EPS8: variants seen among roughly 807,000 people sequenced by gnomAD.
The protein encoded by EPS8 is EGFR pathway substrate 8, signaling adaptor.
In EPS8, 42 loss-of-function variants were observed where a neutral mutation model predicts 103.8. The ratio of observed to expected loss-of-function variants is 0.40; its 90% confidence interval spans 0.32 to 0.52. EPS8 has a LOEUF of 0.52. EPS8 is among the 20% of genes least tolerant of loss of function. The pLI is 0.40. For missense variants in EPS8, 969 were observed against 1,005.1 expected, an observed-to-expected ratio of 0.96 and a Z score of 0.49; for synonymous variants, 344 against 344.6, an observed-to-expected ratio of 1.00 and a Z score of 0.02.
At chr12:15,746,581 C>G (rs1382422528) in intron 1 of EPS8, among the ~76,000 whole-genome samples, 1 of 152,020 alleles carries the variant, frequency 6.6e-6, no homozygotes, top group Admixed American at 6.6e-5. Flanking sequence ...ATTTTGCTTT[C>G]CTCTCTCCCA....
rs572845389 is a variant in EPS8, at chr12:15,757,969, G to A, written c.-22+31192C>T. 9.9e-5 allele frequency among the ~76,000 whole-genome samples: 15 copies of A among 152,146 alleles called. No individual in the cohort carries two copies. Among genetic ancestry groups the A allele is most frequent in the African/African-American group, 2.7e-4 (11 of 41,440 alleles). ...TCAACTGGAAAACTCAAAAGCCAGC[G>A]GTTGGAATCATCTGAAGGCCTATTC... On this transcript the variant is annotated intron_variant, in intron 1 of 20. Coordinates refer to ENST00000281172, the MANE Select transcript of EPS8 (RefSeq NM_004447.6). The surrounding 1 kb of genome is among the most constrained non-coding windows in gnomAD (Gnocchi z 4.1).
At chr12:15,741,847 T>C (rs962534321) in intron 1 of EPS8, among the ~76,000 whole-genome samples, 1 of 152,182 alleles carries the variant, frequency 6.6e-6, no homozygotes, top group Admixed American at 6.5e-5. Context: ...TATCTCCTAA[T>C]GCTATCCCTC....
Position 15,748,864 on chromosome 12 carries a change from A to G in EPS8, c.-22+40297T>C, listed in dbSNP as rs565432077. Among the ~76,000 whole-genome samples the G allele has an allele frequency of 4.6e-5, 7 of 152,308 alleles. No individual in the cohort carries two copies. The highest frequency in any genetic ancestry group is 3.4e-3 in the Middle Eastern group (1 of 294). On this transcript the variant is annotated intron_variant, in intron 1 of 20. Transcript: ENST00000281172. The surrounding 1 kb of genome is among the most constrained non-coding windows in gnomAD (Gnocchi z 4.8). ...AAGCCTATCTGGTTTCCTAATTTTC[A>G]TAATGGAATGCTAACTTTGACACTT... is the stretch of plus-strand genomic sequence containing the variant.
rs985071148 is a variant in EPS8, at chr12:15,747,319, T to A, written c.-22+41842A>T. Reference sequence around the variant, plus strand: ...ATGGTCTAATTTATTAATGGTAAGCTGAAGTGGATACTATATATAGCTAAT... The same window carrying A: ...ATGGTCTAATTTATTAATGGTAAGCAGAAGTGGATACTATATATAGCTAAT... On this transcript the variant is annotated intron_variant, in intron 1 of 20. Transcript: ENST00000281172. This position sits in a 1 kb window ranked among gnomAD's most constrained non-coding sequence, Gnocchi z 4.4. Among the ~76,000 whole-genome samples the A allele has an allele frequency of 2.6e-5, 4 of 152,196 alleles. No individual in the cohort carries two copies. Among genetic ancestry groups the A allele is most frequent in the Non-Finnish European group, 5.9e-5 (4 of 68,036 alleles).
intron 18 of EPS8, among the ~76,000 whole-genome samples, chr12:15,625,263 G>A (rs1944926631): frequency 6.6e-6 from 1 of 152,090 alleles, no homozygotes; most frequent in Non-Finnish European, 1.5e-5. Flanking sequence ...ATCCATGTAT[G>A]CACTAGGCCT....
At chr12:15,715,383 TC>T (rs1407673516) in intron 1 of EPS8, among the ~76,000 whole-genome samples, 3 of 78,904 alleles carry the variant, frequency 3.8e-5, no homozygotes, top group Non-Finnish European at 6.4e-5. Context: ...TTTTTTTTTT[TC>T]TTTACTTTTC....
At chr12:15,763,245 T>C (rs1247602476) in intron 1 of EPS8, among the ~76,000 whole-genome samples, 2 of 152,170 alleles carry the variant, frequency 1.3e-5, no homozygotes, top group Non-Finnish European at 2.9e-5. Flanking sequence ...GTGTGTATGC[T>C]AATGCTTAAT....
chr12:15,742,730 C>T (rs1263268122), intron 1 of EPS8, among the ~76,000 whole-genome samples: 5 of 152,172 alleles, frequency 3.3e-5, no homozygotes, highest in Non-Finnish European at 1.5e-5. Flanking sequence ...GCTAAAAACT[C>T]TCAATTAACT....
At position 15,778,255 on chromosome 12, in the gene EPS8, C is replaced by T. The variant is rs1947227068; in HGVS notation, c.-22+10906G>A. On this transcript the variant is annotated intron_variant, in intron 1 of 20. Transcript: ENST00000281172. This position sits in a 1 kb window ranked among gnomAD's most constrained non-coding sequence, Gnocchi z 4.5. ...TGATTTTCAACAATGATTAAAAACA[C>T]TCTGACACACACTCTTCAGGCATAC... 6.6e-6 allele frequency among the ~76,000 whole-genome samples: 1 copy of T among 152,170 alleles called. No homozygotes were observed. The highest frequency in any genetic ancestry group is 1.5e-5 in the Non-Finnish European group (1 of 68,028).
In EPS8 at chr12:15,781,784, G is replaced by C. The variant is rs544848962; in HGVS notation, c.-22+7377C>G. 1.3e-5 allele frequency: 2 copies of C among 152,348 alleles called. No individual in the cohort carries two copies. Among genetic ancestry groups the C allele is most frequent in the African/African-American group, 4.8e-5 (2 of 41,434 alleles). 9.4% of individuals were successfully genotyped at this position (152,348 alleles called of 1,614,324 possible). On this transcript the variant is annotated intron_variant, in intron 1 of 20. Coordinates refer to ENST00000281172, the MANE Select transcript of EPS8 (RefSeq NM_004447.6). The surrounding 1 kb of genome is among the most constrained non-coding windows in gnomAD (Gnocchi z 4.1). ...ATGGTCGAGGGGCTACATCTGCTAA[G>C]AGCCTCCTTGCTGGTGGGGACTCTC...
Position 15,777,484 on chromosome 12 carries a change from T to C in EPS8, c.-22+11677A>G, listed in dbSNP as rs912251814. Reference sequence around the variant, plus strand: ...AGATTTTACTATTTCCAAAATCACTTACTTAGTACCCAAATAAGGTAAAGG... The same window carrying C: ...AGATTTTACTATTTCCAAAATCACTCACTTAGTACCCAAATAAGGTAAAGG... On this transcript the variant is annotated intron_variant, in intron 1 of 20. Coordinates refer to ENST00000281172, the MANE Select transcript of EPS8 (RefSeq NM_004447.6). This position sits in a 1 kb window ranked among gnomAD's most constrained non-coding sequence, Gnocchi z 4.7. 6.6e-6 allele frequency among the ~76,000 whole-genome samples: 1 copy of C among 152,202 alleles called. No individual in the cohort carries two copies. The highest frequency in any genetic ancestry group is 2.4e-5 in the African/African-American group (1 of 41,466).
intron 8 of EPS8, chr12:15,662,390 A>C (rs1045372125): frequency 1.4e-5 from 16 of 1,125,862 alleles, no homozygotes. Context: ...TGTAGAACCA[A>C]CCTTAACTTA....
At position 15,781,149 on chromosome 12, in the gene EPS8, C is replaced by A. The variant is rs1947257060; in HGVS notation, c.-22+8012G>T. On this transcript the variant is annotated intron_variant, in intron 1 of 20. Coordinates refer to ENST00000281172, the MANE Select transcript of EPS8 (RefSeq NM_004447.6). This position sits in a 1 kb window ranked among gnomAD's most constrained non-coding sequence, Gnocchi z 4.1. The stretch of plus-strand genomic sequence containing the variant: ...AAAAGATCCTCATTCTTTAAAACAA[C>A]CGTGTTCCATCACCACATACCTCTG... Among the ~76,000 whole-genome samples the A allele has an allele frequency of 6.6e-6, 1 of 152,200 alleles. No homozygotes were observed. The highest frequency in any genetic ancestry group is 2.1e-4 in the South Asian group (1 of 4,834).
Position 15,707,557 on chromosome 12 carries a change from A to T in EPS8, c.-21-24585T>A, listed in dbSNP as rs1156878119. The stretch of plus-strand genomic sequence containing the variant: ...CCTGTAAGGTAACTCACTACCTTAA[A>T]AAAAAAAAAAATCACATGCTACAAA... On this transcript the variant is annotated intron_variant, in intron 1 of 20. Coordinates refer to ENST00000281172, the MANE Select transcript of EPS8 (RefSeq NM_004447.6). Among the ~76,000 whole-genome samples the T allele has an allele frequency of 2.6e-5, 4 of 151,872 alleles. 1 individual carries two copies. Among genetic ancestry groups the T allele is most frequent in the African/African-American group, 9.6e-5 (4 of 41,466 alleles).
At chr12:15,678,012 C>T (rs565106750) in intron 3 of EPS8, among the ~76,000 whole-genome samples, 1 of 152,276 alleles carries the variant, frequency 6.6e-6, no homozygotes, top group Admixed American at 6.5e-5. Flanking sequence ...ATTCATCTCC[C>T]TTCTGAATAT....
In EPS8 at chr12:15,688,704, A is replaced by C. The variant is rs1322379239; in HGVS notation, c.-21-5732T>G. 6.6e-6 allele frequency among the ~76,000 whole-genome samples: 1 copy of C among 152,094 alleles called. No individual in the cohort carries two copies. The highest frequency in any genetic ancestry group is 6.5e-5 in the Admixed American group (1 of 15,270). ...CCTTGTGGCTCCCCCATCTGCTGAGAGCTACCTCCACTCAATAAAACCCTG... is the reference window on the plus strand; with the variant it reads ...CCTTGTGGCTCCCCCATCTGCTGAGCGCTACCTCCACTCAATAAAACCCTG... On this transcript the variant is annotated intron_variant, in intron 1 of 20. Coordinates refer to ENST00000281172, the MANE Select transcript of EPS8 (RefSeq NM_004447.6). The surrounding 1 kb of genome is among the most constrained non-coding windows in gnomAD (Gnocchi z 5.1).
At chr12:15,709,694 G>A (rs943864270) in intron 1 of EPS8, among the ~76,000 whole-genome samples, 2 of 152,190 alleles carry the variant, frequency 1.3e-5, no homozygotes, top group East Asian at 1.9e-4. Flanking sequence ...CCAGAGCAAC[G>A]GGAGGGCTTT....
chr12:15,675,744 A>C (rs1241312639), intron 3 of EPS8, among the ~76,000 whole-genome samples: 1 of 152,234 alleles, frequency 6.6e-6, no homozygotes, highest in African/African-American at 2.4e-5. Flanking sequence ...AATTCAATGA[A>C]ATGAGTTTTC....
At chr12:15,662,643 CAG>C in intron 8 of EPS8, 1 of 985,342 alleles carries the variant, frequency 1.0e-6, no homozygotes, top group Non-Finnish European at 1.2e-6. Context: ...TAAAAGCAGA[CAG>C]AAATTTTCAC....
Sources: allele counts gnomAD v4.1 joint callset (sites outside exome capture counted in the v4.1 genomes callset), GRCh38; gene constraint gnomAD v4.1.1; non-coding constraint Gnocchi (gnomAD v3.1); transcripts MANE v1.5; gene names NCBI Gene and HGNC (gene_info 2026-07-23, HGNC 2026-07-21).